BABAM2: variants seen among roughly 807,000 people sequenced by gnomAD.
BABAM2 encodes the protein BRISC and BRCA1-A complex member 2.
Under a neutral mutation model 54.7 loss-of-function variants are expected in BABAM2, and 31 were observed. The ratio of observed to expected loss-of-function variants is 0.57; its 90% CI spans 0.43 to 0.77. The LOEUF is 0.77. BABAM2 is among the 30% of genes least tolerant of loss of function. BABAM2 has a pLI of 0.00. For missense variants in BABAM2, 364 were observed against 455.8 expected (o/e 0.80, Z 1.83); for synonymous variants, 167 against 162.9 (o/e 1.03, Z -0.19).
chr2:28,285,470 C>A (rs572584608), intron 10 of BABAM2, among the ~76,000 whole-genome samples: 1 of 152,334 alleles, frequency 6.6e-6, no homozygotes, highest in African/African-American at 2.4e-5. Flanking sequence ...AGCATGGAAA[C>A]TGCTTGGAAA....
intron 7 of BABAM2, among the ~76,000 whole-genome samples, chr2:28,198,399 C>T (rs1677863831): frequency 6.6e-6 from 1 of 152,090 alleles, no homozygotes; most frequent in Non-Finnish European, 1.5e-5. Context: ...ATCTGCTGAC[C>T]TTGTGATCCA....
intron 11 of BABAM2, among the ~76,000 whole-genome samples, chr2:28,306,352 G>A (rs187093756): frequency 2.0e-4 from 31 of 152,068 alleles, no homozygotes; most frequent in African/African-American, 6.3e-4. Context: ...TTTTGGATTC[G>A]TCTGTTTCTC....
chr2:27,964,192 T>C (rs1431107828), intron 3 of BABAM2, among the ~76,000 whole-genome samples: 1 of 152,216 alleles, frequency 6.6e-6, no homozygotes, highest in Non-Finnish European at 1.5e-5. Flanking sequence ...TCCCTTCTCA[T>C]GTACCTGCTT....
chr2:27,971,628 T>C (rs942038148), intron 3 of BABAM2, among the ~76,000 whole-genome samples: 1 of 151,544 alleles, frequency 6.6e-6, no homozygotes, highest in African/African-American at 2.4e-5. Flanking sequence ...TACACCTAAA[T>C]CAAGGGTGTG....
At chr2:28,211,630 C>G (rs888374571) in intron 7 of BABAM2, among the ~76,000 whole-genome samples, 30 of 152,094 alleles carry the variant, frequency 2.0e-4, no homozygotes, top group African/African-American at 7.0e-4. Flanking sequence ...CTCAGGTGAT[C>G]CACTCATCTT....
At chr2:28,114,470 A>AT (rs1296842672) in intron 6 of BABAM2, among the ~76,000 whole-genome samples, 4 of 152,166 alleles carry the variant, frequency 2.6e-5, no homozygotes, top group Admixed American at 2.0e-4. Flanking sequence ...TTAATCACGT[A>AT]TTACCTTGTA....
At chr2:28,177,594 G>T (rs1675144168) in intron 7 of BABAM2, among the ~76,000 whole-genome samples, 1 of 151,846 alleles carries the variant, frequency 6.6e-6, no homozygotes, top group African/African-American at 2.4e-5. Flanking sequence ...ATACAAAATA[G>T]CCAGAAAACG....
intron 11 of BABAM2, among the ~76,000 whole-genome samples, chr2:28,314,762 G>A (rs999591594): frequency 1.3e-4 from 19 of 151,940 alleles, no homozygotes; most frequent in Admixed American, 9.2e-4. Context: ...ACTAGGAGTC[G>A]AGGAAAGAAG....
chr2:28,219,934 G>GA (rs1680244539), intron 7 of BABAM2, among the ~76,000 whole-genome samples: 1 of 152,168 alleles, frequency 6.6e-6, no homozygotes, highest in Non-Finnish European at 1.5e-5. Flanking sequence ...GGGCCGGTGA[G>GA]AAAAAATGAT....
At chr2:28,262,366 T>G (rs1316684234) in intron 10 of BABAM2, among the ~76,000 whole-genome samples, 1 of 152,140 alleles carries the variant, frequency 6.6e-6, no homozygotes. Flanking sequence ...AAGAATACAC[T>G]TTTCAGGTAT....
intron 7 of BABAM2, among the ~76,000 whole-genome samples, chr2:28,155,426 G>A (rs771967535): frequency 1.3e-5 from 2 of 152,072 alleles, no homozygotes; most frequent in African/African-American, 2.4e-5. Flanking sequence ...ATAATTGATC[G>A]ATAGAGAGGG....
At chr2:28,035,331 C>G (rs1035127604) in intron 5 of BABAM2, among the ~76,000 whole-genome samples, 11 of 152,150 alleles carry the variant, frequency 7.2e-5, no homozygotes, top group Admixed American at 4.6e-4. Context: ...ATCTGGGGAG[C>G]CTGGAAGTGG....
chr2:28,145,340 C>G (rs1198497233), intron 7 of BABAM2, among the ~76,000 whole-genome samples: 1 of 152,180 alleles, frequency 6.6e-6, no homozygotes, highest in African/African-American at 2.4e-5. Context: ...CTCCAGCCTC[C>G]CCTTGCCTGA....
chr2:28,012,841 C>G lies in BABAM2; in HGVS notation c.301-12385C>G, dbSNP rs1038381204. ...AGATAGAAAGGAATTTGCCTACTTT[C>G]TTTCTCTTAATAAATGAGGAAGATT... On this transcript the variant is annotated intron_variant, in intron 4 of 11. Coordinates refer to ENST00000379624, the MANE Select transcript of BABAM2 (RefSeq NM_199191.3). 2.0e-5 allele frequency among the ~76,000 whole-genome samples: 3 copies of G among 152,292 alleles called. No homozygotes were observed. The South Asian group carries it at 6.2e-4, about 32-fold the overall frequency.
chr2:28,112,158 C>CTTTCTTTCTT (rs1558346940), intron 6 of BABAM2, among the ~76,000 whole-genome samples: 1 of 6,408 alleles, frequency 1.6e-4, no homozygotes. Flanking sequence ...TACCTCCCTC[C>CTTTCTTTCTT]CTCCCTCCCT....
intron 7 of BABAM2, among the ~76,000 whole-genome samples, chr2:28,224,025 G>A (rs1680648170): frequency 6.6e-6 from 1 of 152,294 alleles, no homozygotes; most frequent in East Asian, 1.9e-4. Context: ...GCTTGTATAT[G>A]CAACAGATGA....
chr2:27,944,655 T>C (rs1487630585), intron 3 of BABAM2, among the ~76,000 whole-genome samples: 1 of 152,192 alleles, frequency 6.6e-6, no homozygotes, highest in African/African-American at 2.4e-5. Flanking sequence ...TTTTTTCTAT[T>C]TTTTGGCTAT....
At chr2:28,207,166 C>A (rs1335365820) in intron 7 of BABAM2, among the ~76,000 whole-genome samples, 1 of 152,084 alleles carries the variant, frequency 6.6e-6, no homozygotes, top group South Asian at 2.1e-4. Flanking sequence ...AACAAAACTG[C>A]TGCTCTATTA....
intron 10 of BABAM2, among the ~76,000 whole-genome samples, chr2:28,246,160 G>T (rs531975020): frequency 6.6e-6 from 1 of 152,270 alleles, no homozygotes; most frequent in Non-Finnish European, 1.5e-5. Context: ...GTGGGGCCAG[G>T]TAAGGAGGAA....
Sources: allele counts gnomAD v4.1 joint callset (sites outside exome capture counted in the v4.1 genomes callset), GRCh38; gene constraint gnomAD v4.1.1; transcripts MANE v1.5; gene names NCBI Gene and HGNC (gene_info 2026-07-23, HGNC 2026-07-21).